PCLO: variants seen among roughly 807,000 people sequenced by gnomAD.
The protein encoded by PCLO is protein piccolo.
A neutral mutation model predicts 427.5 loss-of-function variants in PCLO; 82 were observed. The observed-to-expected ratio is 0.19, with a 90% CI of 0.16 to 0.23. The LOEUF is 0.23. Among genes scored for constraint, PCLO ranks in the 10% least tolerant of loss-of-function variants. PCLO has a pLI of 1.00. For missense variants in PCLO, 6,239 were observed against 6,115.9 expected, an observed-to-expected ratio of 1.02 and a Z score of -0.67; for synonymous variants, 2,357 against 2,155.4, an observed-to-expected ratio of 1.09 and a Z score of -2.59.
At chr7:82,875,927 A>G (rs1246724600) in intron 10 of PCLO, among the ~76,000 whole-genome samples, 1 of 152,134 alleles carries the variant, frequency 6.6e-6, no homozygotes, top group Non-Finnish European at 1.5e-5. Flanking sequence ...TTTGTAGATT[A>G]GGGTAGAAAA....
chr7:82,845,621 C>G, intron 12 of PCLO, 136 bp from the exon 13 acceptor site: 1 of 638,516 alleles, frequency 1.6e-6, no homozygotes, highest in Non-Finnish European at 2.7e-6. Context: ...GAAATTAACT[C>G]TATTGTACTT....
At chr7:82,966,976 T>C (rs545568297) in intron 3 of PCLO, among the ~76,000 whole-genome samples, 3 of 152,158 alleles carry the variant, frequency 2.0e-5, no homozygotes, top group Non-Finnish European at 4.4e-5. Context: ...TTGGGCCAAA[T>C]ATAGTTCTAC....
chr7:83,131,493 A>G (rs1791571083), intron 3 of PCLO, among the ~76,000 whole-genome samples: 1 of 152,156 alleles, frequency 6.6e-6, no homozygotes, highest in Non-Finnish European at 1.5e-5. Context: ...AGAATAGCCA[A>G]AGGGAGAGGG....
At chr7:83,084,943 T>C (rs572315623) in intron 3 of PCLO, among the ~76,000 whole-genome samples, 12 of 152,166 alleles carry the variant, frequency 7.9e-5, no homozygotes, top group Middle Eastern at 3.2e-3. Flanking sequence ...GAGACCAAAG[T>C]AGAAATCTCT....
intron 3 of PCLO, among the ~76,000 whole-genome samples, chr7:83,089,884 T>C (rs1169014051): frequency 3.9e-5 from 6 of 152,226 alleles, no homozygotes; most frequent in Non-Finnish European, 8.8e-5. Context: ...GATTTCACTC[T>C]AAATTAAGTA....
intron 9 of PCLO, among the ~76,000 whole-genome samples, chr7:82,881,139 G>A (rs373707036): frequency 2.6e-3 from 394 of 152,290 alleles, no homozygotes; most frequent in African/African-American, 9.2e-3. Flanking sequence ...CACTTTGGGA[G>A]GCCAAGGTGG....
At chr7:82,784,003 C>T (rs1246566048) in intron 22 of PCLO, among the ~76,000 whole-genome samples, 1 of 151,990 alleles carries the variant, frequency 6.6e-6, no homozygotes, top group Non-Finnish European at 1.5e-5. Flanking sequence ...CTTAGCCCTT[C>T]TCACTGTATT....
Position 82,824,337 on chromosome 7 carries a change from A to G in PCLO, c.14495T>C (p.Ile4832Thr), listed in dbSNP as rs756213172. The G allele has an allele frequency of 6.2e-7, 1 of 1,613,202 alleles. No individual in the cohort carries two copies. Among genetic ancestry groups the G allele is most frequent in the East Asian group, 2.2e-5 (1 of 44,852 alleles). The change falls in exon 19 of 25, where the codon ATT (isoleucine) becomes ACT (threonine). Residue 4832 changes from isoleucine to threonine, a missense_variant. By Grantham distance (89) the Ile-to-Thr change is moderately conservative (BLOSUM62 -1). Around this residue, in one of 5 missense-constraint regions of PCLO, gnomAD observed 877 missense variants for 925.5 expected, o/e 0.95. Transcript: ENST00000333891. ...ACTGGAATGAGACTTGCCATGATCA[A>G]TGCTTTCAGTCTGTTCTTTGAGAGG... ...WYPLKEQTESIDHGKSHSSQS... is the reference protein window; with the variant it reads ...WYPLKEQTESTDHGKSHSSQS...
At position 82,827,323 on chromosome 7, in the gene PCLO, AT is replaced by A. The variant is rs574822871; in HGVS notation, c.14343+549del. ...AGATTTTCAGAAATATAATAATGTA[AT>A]TTTTGCCTACAGTTACTTATCTCTG... On this transcript the variant is annotated intron_variant, in intron 17 of 24. Coordinates refer to ENST00000333891, the MANE Select transcript of PCLO (RefSeq NM_033026.6). 2.0e-3 allele frequency among the ~76,000 whole-genome samples: 300 copies of A among 152,138 alleles called. 5 individuals carry two copies. Among genetic ancestry groups the A allele is most frequent in the African/African-American group, 6.8e-3 (283 of 41,564 alleles).
chr7:83,086,642 TTG>T (rs139968631), intron 3 of PCLO, among the ~76,000 whole-genome samples: 5,556 of 152,214 alleles, frequency 0.037, 346 homozygotes, highest in African/African-American at 0.13. Flanking sequence ...TAAGAGTATT[TTG>T]GATGCTGGCA....
At chr7:82,872,669 G>A (rs940608072) in intron 10 of PCLO, among the ~76,000 whole-genome samples, 5 of 152,188 alleles carry the variant, frequency 3.3e-5, no homozygotes, top group South Asian at 2.1e-4. Context: ...AGGAGACTAC[G>A]TGAAAAACTA....
chr7:83,093,492 A>ATATATATTTTTTTTTTTTTTTTTTTTTT, intron 3 of PCLO, among the ~76,000 whole-genome samples: 3 of 59,312 alleles, frequency 5.1e-5, no homozygotes, highest in Non-Finnish European at 6.5e-5. Flanking sequence ...ATATATATAT[A>ATATATATTTTTTTTTTTTTTTTTTTTTT]TTTTTTTTTT....
At chr7:83,038,447 T>C (rs1036514463) in intron 3 of PCLO, among the ~76,000 whole-genome samples, 1 of 151,896 alleles carries the variant, frequency 6.6e-6, no homozygotes, top group Non-Finnish European at 1.5e-5. Flanking sequence ...AATTTGATAA[T>C]GCTGGACATT....
chr7:82,869,529 C>T (rs1011090022), intron 10 of PCLO, among the ~76,000 whole-genome samples: 5 of 151,900 alleles, frequency 3.3e-5, no homozygotes, highest in East Asian at 1.9e-4. Context: ...AGAATTGTTC[C>T]GAGAGCATCC....
rs141245384 is a variant in PCLO, at chr7:82,851,955, A to T, written c.13655-4708T>A. Among the ~76,000 whole-genome samples, 441 of 152,222 alleles carry T rather than the reference A, an allele frequency of 2.9e-3. 2 individuals carry two copies. Among genetic ancestry groups the T allele is most frequent in the African/African-American group, 0.01 (430 of 41,568 alleles). On this transcript the variant is annotated intron_variant, in intron 10 of 24. Coordinates refer to ENST00000333891, the MANE Select transcript of PCLO (RefSeq NM_033026.6). Reference sequence around the variant, plus strand: ...GAAGTGGATTTTATTTTTTAAATTTATATATTTTTCATATTTTACAATTTT... The same window carrying T: ...GAAGTGGATTTTATTTTTTAAATTTTTATATTTTTCATATTTTACAATTTT...
chr7:82,897,023 A>G (rs183705335), intron 9 of PCLO, among the ~76,000 whole-genome samples: 1 of 151,766 alleles, frequency 6.6e-6, no homozygotes, highest in Admixed American at 6.6e-5. Context: ...TTAAATAAGA[A>G]AAAAAAGGAG....
At chr7:82,907,960 G>T (rs989263183) in intron 8 of PCLO, among the ~76,000 whole-genome samples, 11 of 152,020 alleles carry the variant, frequency 7.2e-5, no homozygotes, top group African/African-American at 2.4e-4. Context: ...CTGAATTATA[G>T]TAAGTCTATA....
At chr7:82,852,735 G>T (rs1223815865) in intron 10 of PCLO, among the ~76,000 whole-genome samples, 1 of 151,938 alleles carries the variant, frequency 6.6e-6, no homozygotes, top group Non-Finnish European at 1.5e-5. Flanking sequence ...TATCCTATTA[G>T]TGCTATCTCT....
chr7:82,812,374 C>T (rs1440739800), intron 20 of PCLO, among the ~76,000 whole-genome samples: 3 of 151,462 alleles, frequency 2.0e-5, no homozygotes, highest in South Asian at 2.1e-4. Context: ...ATGTTGGCTC[C>T]GTATACTATA....
Sources: gnomAD v4.1 joint callset for allele counts (sites outside exome capture counted in the v4.1 genomes callset) on GRCh38, gnomAD v4.1.1 for gene constraint, gnomAD v4.1.1 regional missense constraint, MANE v1.5 for transcripts, NCBI Gene and HGNC (gene_info 2026-07-23, HGNC 2026-07-21) for gene names.